The following PDE8A variants were observed in gnomAD, a reference collection of about 807,000 sequenced individuals.
PDE8A encodes the protein phosphodiesterase 8A, also known as high affinity cAMP-specific and IBMX-insensitive 3',5'-cyclic phosphodiesterase 8A.
PDE8A carries 59 observed loss-of-function variants against 105.0 expected under a neutral mutation model. That is an observed-to-expected ratio of 0.56 (90% CI 0.46 to 0.70). The LOEUF (loss-of-function observed/expected upper bound fraction) is 0.70. Ranked by LOEUF, PDE8A falls within the 30% of genes least tolerant of loss-of-function variation. The pLI is 0.00. For missense variants in PDE8A, 1,014 were observed against 1,045.9 expected (o/e 0.97, Z 0.42); for synonymous variants, 355 against 371.9 (o/e 0.95, Z 0.52).
intron 1 of PDE8A, among the ~76,000 whole-genome samples, chr15:85,054,965 C>T (rs1365555984): frequency 6.6e-6 from 1 of 152,102 alleles, no homozygotes; most frequent in Non-Finnish European, 1.5e-5. Context: ...ATAAATTTCC[C>T]TCTACACACT....
chr15:85,082,167 A>G (rs753451551), intron 5 of PDE8A, among the ~76,000 whole-genome samples: 2 of 152,094 alleles, frequency 1.3e-5, no homozygotes, highest in Non-Finnish European at 2.9e-5. Flanking sequence ...AGGTGTGGAC[A>G]GCAGGTCTAG....
intron 1 of PDE8A, among the ~76,000 whole-genome samples, chr15:85,023,153 T>C (rs2080456872): frequency 6.6e-6 from 1 of 152,210 alleles, no homozygotes; most frequent in South Asian, 2.1e-4. Flanking sequence ...CTCATTTTGC[T>C]TTGTGAAATA....
At chr15:85,011,144 A>C (rs1219758697) in intron 1 of PDE8A, among the ~76,000 whole-genome samples, 1 of 152,170 alleles carries the variant, frequency 6.6e-6, no homozygotes, top group Non-Finnish European at 1.5e-5. Flanking sequence ...TCTGAACTTT[A>C]GCTGTTCTTT....
chr15:84,982,056 C>G lies in PDE8A; in HGVS notation c.-107C>G, dbSNP rs959009108. On this transcript the variant is annotated 5_prime_UTR_variant, in exon 1 of 22. Transcript: ENST00000394553. ...GAGATCCGCGCTCGCCGCCGCCCGC[C>G]CAGGCGGCGATGACACGGCGCCCGC... The G allele has an allele frequency of 1.9e-5, 11 of 573,686 alleles. No homozygotes were observed. Among genetic ancestry groups the G allele is most frequent in the African/African-American group, 4.0e-5 (2 of 50,340 alleles). The allele number at this position is 573,686 out of a possible 1,614,324, so 35.5% of individuals were successfully genotyped here. A position where few individuals can be genotyped will look rare whatever the true frequency, so the allele number is the denominator to read the frequency against.
chr15:85,059,929 G>A (rs1803428709), intron 1 of PDE8A, among the ~76,000 whole-genome samples: 2 of 152,164 alleles, frequency 1.3e-5, no homozygotes, highest in South Asian at 4.1e-4. Flanking sequence ...GATCTCTTGA[G>A]CCCAGGAGTT....
intron 10 of PDE8A, 33 bp from the exon 11 acceptor site, chr15:85,100,123 T>C: frequency 6.2e-7 from 1 of 1,613,394 alleles, no homozygotes; most frequent in East Asian, 2.2e-5. Flanking sequence ...TTTTCAGCAA[T>C]CAGAACTAAT....
intron 1 of PDE8A, among the ~76,000 whole-genome samples, chr15:85,010,672 C>T (rs1197822901): frequency 6.6e-6 from 1 of 152,212 alleles, no homozygotes; most frequent in Non-Finnish European, 1.5e-5. Flanking sequence ...AATGAATGAA[C>T]TGACTTCAAA....
At chr15:85,011,753 A>T (rs2080242784) in intron 1 of PDE8A, among the ~76,000 whole-genome samples, 1 of 152,220 alleles carries the variant, frequency 6.6e-6, no homozygotes, top group Admixed American at 6.5e-5. Flanking sequence ...ATCAGAGTGA[A>T]CAGGCAACCT....
intron 1 of PDE8A, among the ~76,000 whole-genome samples, chr15:85,047,923 ATT>A (rs1323760484): frequency 6.6e-6 from 1 of 152,034 alleles, no homozygotes; most frequent in Non-Finnish European, 1.5e-5. Context: ...CTTTATATTT[ATT>A]TTCCTTACCG....
intron 1 of PDE8A, among the ~76,000 whole-genome samples, chr15:85,054,803 T>C (rs987084705): frequency 2.0e-5 from 3 of 152,240 alleles, no homozygotes; most frequent in Non-Finnish European, 4.4e-5. Flanking sequence ...TTTGTGTCGC[T>C]ATCTCCTTCA....
chr15:85,012,668 T>G (rs1364038524), intron 1 of PDE8A, among the ~76,000 whole-genome samples: 2 of 151,602 alleles, frequency 1.3e-5, no homozygotes, highest in African/African-American at 2.4e-5. Context: ...CTGCACATTG[T>G]GCACATGTAC....
chr15:85,060,073 C>T (rs1182541590), intron 1 of PDE8A, among the ~76,000 whole-genome samples: 1 of 152,156 alleles, frequency 6.6e-6, no homozygotes, highest in Non-Finnish European at 1.5e-5. Flanking sequence ...ATTTGTTTTT[C>T]TGTATGTCAC....
intron 1 of PDE8A, among the ~76,000 whole-genome samples, chr15:85,010,891 C>A (rs35816571): frequency 6.6e-6 from 1 of 151,758 alleles, no homozygotes; most frequent in African/African-American, 2.4e-5. Context: ...TTCCCCCAGT[C>A]GTGTTCCTGA....
Position 85,083,631 on chromosome 15 carries a change from C to A in PDE8A, c.622C>A (p.Gln208Lys), listed in dbSNP as rs2081502699. The A allele has an allele frequency of 6.2e-7, 1 of 1,610,118 alleles. No homozygotes were observed. The highest frequency in any genetic ancestry group is 1.3e-5 in the African/African-American group (1 of 74,846). ...LQLEFGEVRS[Q>K]LKLRACNSVF... Reference sequence around the variant, plus strand: ...GCTGGAGTTTGGAGAGGTGCGATCACAACTGAAACTCAGGTAATTCTACCA... The same window carrying A: ...GCTGGAGTTTGGAGAGGTGCGATCAAAACTGAAACTCAGGTAATTCTACCA... Residue 208 changes from glutamine to lysine, a missense_variant, in exon 6 of 22, where the codon CAA becomes AAA. Physicochemically the swap from Gln to Lys is moderately conservative, Grantham distance 53 (BLOSUM62 1). Coordinates refer to ENST00000394553, the MANE Select transcript of PDE8A (RefSeq NM_002605.3).
In PDE8A at chr15:85,113,801, C is replaced by T. The variant is rs1167863170; in HGVS notation, c.1186-72C>T. ...TCCTGAGTAGCTGGAATTACAGACA[C>T]GTACTGCCATGCCTGGCTCTCCCAC... is the stretch of plus-strand genomic sequence containing the variant. On this transcript the variant is annotated intron_variant, in intron 13 of 21. Coordinates refer to ENST00000394553, the MANE Select transcript of PDE8A (RefSeq NM_002605.3). The T allele has an allele frequency of 9.3e-6, 11 of 1,180,156 alleles. No homozygotes were observed. The South Asian group carries it at 1.1e-4, about 12-fold the overall frequency. 73.1% of individuals were successfully genotyped at this position (1,180,156 alleles called of 1,614,324 possible). A position where few individuals can be genotyped will look rare whatever the true frequency, so the allele number is the denominator to read the frequency against.
chr15:85,018,109 A>G (rs1000534656), intron 1 of PDE8A, among the ~76,000 whole-genome samples: 1 of 152,200 alleles, frequency 6.6e-6, no homozygotes, highest in African/African-American at 2.4e-5. Context: ...ATTGTAGAGC[A>G]ACAGAAGTGG....
At chr15:84,989,787 A>G (rs902359483) in intron 1 of PDE8A, among the ~76,000 whole-genome samples, 3 of 152,254 alleles carry the variant, frequency 2.0e-5, no homozygotes, top group Non-Finnish European at 2.9e-5. Context: ...TGGTTCAAAT[A>G]TATCTATTTT....
intron 1 of PDE8A, among the ~76,000 whole-genome samples, chr15:84,990,674 A>G (rs760520573): frequency 1.3e-5 from 2 of 152,238 alleles, no homozygotes; most frequent in Non-Finnish European, 2.9e-5. Context: ...TATTATGACT[A>G]AAGCTACTAT....
chr15:85,090,745 G>A (rs1478339902), intron 7 of PDE8A: 6 of 477,628 alleles, frequency 1.3e-5, no homozygotes, highest in African/African-American at 6.0e-5. Context: ...CTGGTTTGGC[G>A]CTGTGCACAT....
Sources: gnomAD v4.1 joint callset for allele counts (sites outside exome capture counted in the v4.1 genomes callset) on GRCh38, gnomAD v4.1.1 for gene constraint, MANE v1.5 for transcripts, NCBI Gene and HGNC (gene_info 2026-07-23, HGNC 2026-07-21) for gene names.